The following EDRF1 variants were observed in gnomAD, a reference collection of about 807,000 sequenced individuals.
EDRF1 encodes erythroid differentiation regulatory factor 1.
A neutral mutation model predicts 148.7 loss-of-function variants in EDRF1; 69 were observed. That is an observed-to-expected ratio of 0.46 (90% confidence interval 0.38 to 0.57). EDRF1 has a LOEUF of 0.57. EDRF1 is among the 20% of genes least tolerant of loss of function. The pLI, the probability that EDRF1 is intolerant of heterozygous loss-of-function variation, is 0.00. For missense variants in EDRF1, 1,118 were observed against 1,478.7 expected (o/e 0.76, Z 4.00); for synonymous variants, 515 against 532.8 (o/e 0.97, Z 0.46).
At chr10:125,748,263 T>TAA in intron 21 of EDRF1, 1 of 545,848 alleles carries the variant, frequency 1.8e-6, no homozygotes, top group Non-Finnish European at 3.3e-6. Context: ...GCCTGTCACT[T>TAA]AACATCGTGT....
chr10:125,743,798 G>A (rs536413271), intron 18 of EDRF1, among the ~76,000 whole-genome samples: 5 of 152,270 alleles, frequency 3.3e-5, no homozygotes, highest in South Asian at 4.1e-4. Flanking sequence ...CCAAGGAGGC[G>A]GTGTGAGGAA....
chr10:125,763,324 T>C lies in EDRF1; in HGVS notation c.3569T>C (p.Ile1190Thr), dbSNP rs1850270739. ...KTSNNIEDDTILKTNKHIYSQ... is the reference protein window; with the variant it reads ...KTSNNIEDDTTLKTNKHIYSQ... ...AGCAATAACATCGAAGATGACACAA[T>C]TCTCAAAACCAACAAGCACATTTAC... The change falls in exon 25 of 25, where the codon ATT becomes ACT. Residue 1190 changes from isoleucine to threonine, a missense_variant. Around this residue, in one of 3 missense-constraint regions of EDRF1, gnomAD observed 954 missense variants for 1,241.4 expected, o/e 0.77. Coordinates refer to ENST00000356792, the MANE Select transcript of EDRF1 (RefSeq NM_001202438.2). The surrounding 1 kb of genome is among the most constrained non-coding windows in gnomAD (Gnocchi z 4.3). 7 of 1,613,224 alleles carry C rather than the reference T, an allele frequency of 4.3e-6. No homozygotes were observed. Among genetic ancestry groups the C allele is most frequent in the Non-Finnish European group, 5.9e-6 (7 of 1,179,958 alleles).
rs746959629 is a variant in EDRF1, at chr10:125,747,877, C to T, written c.2988C>T (p.Val996=). The T allele has an allele frequency of 1.2e-5, 19 of 1,614,044 alleles. No homozygotes were observed. In the African/African-American group the frequency reaches 2.5e-4, roughly 22 times the overall value. The change falls in exon 21 of 25, where the codon GTC becomes GTT. Residue 996 remains valine (V), a synonymous_variant. Coordinates refer to ENST00000356792, the MANE Select transcript of EDRF1 (RefSeq NM_001202438.2). The part of the protein sequence containing the change: ...RKAQEQIEKE[V]SEAMMKSLKY... ...AACAAGAACAGATTGAGAAAGAAGT[C>T]AGTGAGGCCATGATGAAGTCCCTAA...
In EDRF1 at chr10:125,743,108, G is replaced by A. The variant is rs1330734947; in HGVS notation, c.2422G>A (p.Val808Ile). 6.2e-7 allele frequency: 1 copy of A among 1,613,928 alleles called. No homozygotes were observed. Among genetic ancestry groups the A allele is most frequent in the East Asian group, 2.2e-5 (1 of 44,804 alleles). Residue 808 changes from valine to isoleucine, a missense_variant, in exon 18 of 25, where the codon GTT becomes ATT. This residue lies in a region of EDRF1 where 954 missense variants were observed against 1,241.4 expected (regional missense o/e 0.77). Coordinates refer to ENST00000356792, the MANE Select transcript of EDRF1 (RefSeq NM_001202438.2). Reference protein sequence around the residue: ...LSTDLESQLSVSCKCYEAANE... With the variant: ...LSTDLESQLSISCKCYEAANE... ...TACAGACTTAGAAAGTCAACTCTCTGTTAGTTGTAAATGTTATGAGGCTGC... is the reference window on the plus strand; with the variant it reads ...TACAGACTTAGAAAGTCAACTCTCTATTAGTTGTAAATGTTATGAGGCTGC...
In EDRF1 at chr10:125,728,992, A is replaced by C; in HGVS notation, c.793-11A>C. The C allele has an allele frequency of 1.3e-6, 2 of 1,564,568 alleles. No homozygotes were observed. Among genetic ancestry groups the C allele is most frequent in the Non-Finnish European group, 1.7e-6 (2 of 1,161,948 alleles). ...CAGCAGAATCACTCCTTATCCTTGC[A>C]CTTTTCACAGGGAAGTGAGCCTCTT... is the stretch of plus-strand genomic sequence containing the variant. On this transcript the variant is annotated splice_polypyrimidine_tract_variant and intron_variant, in intron 6 of 24. Coordinates refer to ENST00000356792, the MANE Select transcript of EDRF1 (RefSeq NM_001202438.2).
At position 125,747,665 on chromosome 10, in the gene EDRF1, G is replaced by A. The variant is rs1381755424; in HGVS notation, c.2944G>A (p.Ala982Thr). The change falls in exon 20 of 25, where the codon GCT (alanine) becomes ACT (threonine). Residue 982 changes from alanine (A) to threonine (T), a missense_variant. By Grantham distance (58) the Ala-to-Thr change is moderately conservative. Around this residue, in one of 3 missense-constraint regions of EDRF1, gnomAD observed 954 missense variants for 1,241.4 expected, o/e 0.77. Coordinates refer to ENST00000356792, the MANE Select transcript of EDRF1 (RefSeq NM_001202438.2). ...TATGGCAACTCTACAGCAAGATTAT[G>A]CTCCGTTATCTAGAAAAGCTCAGGA... ...FTMATLQQDYAPLSRKAQEQI... is the reference protein window; with the variant it reads ...FTMATLQQDYTPLSRKAQEQI... 2 of 1,614,170 alleles carry A rather than the reference G, an allele frequency of 1.2e-6. No individual in the cohort carries two copies. The highest frequency in any genetic ancestry group is 8.5e-7 in the Non-Finnish European group (1 of 1,180,028).
rs1207047052 is a variant in EDRF1, at chr10:125,719,748, C to T, written c.-60C>T. 15 of 1,409,250 alleles carry T rather than the reference C, an allele frequency of 1.1e-5. No homozygotes were observed. The highest frequency in any genetic ancestry group is 1.4e-5 in the African/African-American group (1 of 70,396). The allele number at this position is 1,409,250 out of a possible 1,614,324, so 87.3% of individuals were successfully genotyped here. A position where few individuals can be genotyped will look rare whatever the true frequency, so the allele number is the denominator to read the frequency against. On this transcript the variant is annotated 5_prime_UTR_variant, in exon 1 of 25. Transcript: ENST00000356792. Reference sequence around the variant, plus strand: ...CTCTGGCGCTTACCCTGCTTTGGGCCTGCGTTGCTGCTGCTGCTCCTCCGC... The same window carrying T: ...CTCTGGCGCTTACCCTGCTTTGGGCTTGCGTTGCTGCTGCTGCTCCTCCGC...
Position 125,743,212 on chromosome 10 carries a change from C to T in EDRF1, c.2526C>T (p.Asn842=). Residue 842 remains asparagine, a synonymous_variant, in exon 18 of 25, where the codon AAC becomes AAT. Coordinates refer to ENST00000356792, the MANE Select transcript of EDRF1 (RefSeq NM_001202438.2). ...HYVQVLKRMG[N]IRNEIGVFYM... ...TACAAGTATTAAAGAGAATGGGTAA[C>T]ATTAGAAATGAAATTGGTGTGTTTT... 1 of 1,613,856 alleles carries T rather than the reference C, an allele frequency of 6.2e-7. No individual in the cohort carries two copies. The highest frequency in any genetic ancestry group is 8.5e-7 in the Non-Finnish European group (1 of 1,179,912).
At chr10:125,734,009 A>G in intron 11 of EDRF1, 63 bp from the exon 12 acceptor site, 1 of 1,314,870 alleles carries the variant, frequency 7.6e-7, no homozygotes, top group Non-Finnish European at 1.1e-6. Flanking sequence ...GAGCACTCCT[A>G]GACTTGAGTC....
chr10:125,743,940 G>A lies in EDRF1; in HGVS notation c.2590+664G>A, dbSNP rs544999430. Among the ~76,000 whole-genome samples, 36 of 152,294 alleles carry A rather than the reference G, an allele frequency of 2.4e-4. 1 individual carries two copies. Among genetic ancestry groups the A allele is most frequent in the South Asian group, 2.3e-3 (11 of 4,814 alleles). ...AGATGTGGGATGGTGTAAGTAAGAT[G>A]TGAGATGGTAAACCATTTGGGCCCA... On this transcript the variant is annotated intron_variant, in intron 18 of 24. Transcript: ENST00000356792.
intron 14 of EDRF1, 82 bp downstream of exon 14, chr10:125,738,071 T>A: frequency 1.4e-6 from 2 of 1,450,914 alleles, no homozygotes; most frequent in Non-Finnish European, 1.9e-6. Flanking sequence ...GGTATCTAAA[T>A]GTTATTCTGA....
chr10:125,735,517 G>T, intron 12 of EDRF1, 127 bp from the exon 13 acceptor site: 1 of 864,012 alleles, frequency 1.2e-6, no homozygotes, highest in Admixed American at 2.2e-5. Flanking sequence ...ATTTCTGTGT[G>T]TGTTACAGTC....
chr10:125,728,881 A>G, intron 6 of EDRF1, 122 bp from the exon 7 acceptor site: 2 of 773,466 alleles, frequency 2.6e-6, no homozygotes, highest in Non-Finnish European at 4.0e-6. Flanking sequence ...GTATTGGCCT[A>G]ATAATTCACA....
chr10:125,743,429 T>G (rs1402346503), intron 18 of EDRF1, among the ~76,000 whole-genome samples, 153 bp downstream of exon 18: 1 of 152,212 alleles, frequency 6.6e-6, no homozygotes, highest in African/African-American at 2.4e-5. Context: ...GAAATAGAAT[T>G]AGGAACACAT....
chr10:125,719,991 G>T, intron 1 of EDRF1, 76 bp downstream of exon 1: 1 of 1,361,028 alleles, frequency 7.3e-7, no homozygotes, highest in Non-Finnish European at 1.0e-6. Context: ...GGATGCCACG[G>T]TTCCCGGCAG....
Position 125,747,954 on chromosome 10 carries a change from G to A in EDRF1, c.3065G>A (p.Arg1022Gln). Residue 1022 changes from arginine to glutamine, a missense_variant, in exon 21 of 25, where the codon CGA becomes CAA. Arg to Gln is a conservative substitution (Grantham distance 43). Coordinates refer to ENST00000356792, the MANE Select transcript of EDRF1 (RefSeq NM_001202438.2). ...VSARQPLCQYRAATIHHRLAS... is the reference protein window; with the variant it reads ...VSARQPLCQYQAATIHHRLAS... Reference sequence around the variant, plus strand: ...GCTCGACAGCCCCTTTGTCAGTATCGAGCTGCAACCATCCATCACAGGCTG... The same window carrying A: ...GCTCGACAGCCCCTTTGTCAGTATCAAGCTGCAACCATCCATCACAGGCTG... 3.7e-6 allele frequency: 6 copies of A among 1,614,126 alleles called. No homozygotes were observed. The highest frequency in any genetic ancestry group is 3.4e-6 in the Non-Finnish European group (4 of 1,180,026).
At chr10:125,739,036 A>T (rs543999818) in intron 15 of EDRF1, among the ~76,000 whole-genome samples, 2 of 152,306 alleles carry the variant, frequency 1.3e-5, no homozygotes, top group Admixed American at 1.3e-4. Flanking sequence ...TTCGAAGCAG[A>T]AGTTGTGAAT....
chr10:125,764,128 A>G lies in EDRF1; in HGVS notation c.*656A>G, dbSNP rs1850312454. 1 of 152,620 alleles carries G rather than the reference A, an allele frequency of 6.6e-6. No individual in the cohort carries two copies. The highest frequency in any genetic ancestry group is 2.4e-5 in the African/African-American group (1 of 41,448). The allele number at this position is 152,620 out of a possible 1,614,324, so 9.5% of individuals were successfully genotyped here. ...GAAAACTATTTTGAATAAATAAACTATTTATTTAAAATGTCTTTGTATTTT... is the reference window on the plus strand; with the variant it reads ...GAAAACTATTTTGAATAAATAAACTGTTTATTTAAAATGTCTTTGTATTTT... On this transcript the variant is annotated 3_prime_UTR_variant, in exon 25 of 25. Coordinates refer to ENST00000356792, the MANE Select transcript of EDRF1 (RefSeq NM_001202438.2).
intron 6 of EDRF1, among the ~76,000 whole-genome samples, chr10:125,726,828 A>G (rs917268316): frequency 3.9e-5 from 6 of 152,224 alleles, no homozygotes; most frequent in Admixed American, 3.3e-4. Context: ...GGGATGTTCT[A>G]TGATTCAGAA....
Sources: gnomAD v4.1 joint callset for allele counts (sites outside exome capture counted in the v4.1 genomes callset) on GRCh38, gnomAD v4.1.1 for gene constraint, gnomAD v4.1.1 regional missense constraint, Gnocchi (gnomAD v3.1) non-coding constraint, MANE v1.5 for transcripts, NCBI Gene and HGNC (gene_info 2026-07-23, HGNC 2026-07-21) for gene names.